The following TNRC6B variants were observed in gnomAD, a reference collection of about 807,000 sequenced individuals.
TNRC6B encodes trinucleotide repeat containing adaptor 6B.
TNRC6B carries 52 observed loss-of-function variants against 203.6 expected under a neutral mutation model. The ratio of observed to expected loss-of-function variants is 0.26; its 90% CI spans 0.20 to 0.32. The LOEUF (loss-of-function observed/expected upper bound fraction) is 0.32, where lower values mean the gene tolerates loss of function less well. Among genes scored for constraint, TNRC6B ranks in the 10% least tolerant of loss-of-function variants. TNRC6B has a pLI of 1.00. For missense variants in TNRC6B, 1,923 were observed against 2,286.2 expected, an observed-to-expected ratio of 0.84 and a Z score of 3.24; for synonymous variants, 838 against 845.7, an observed-to-expected ratio of 0.99 and a Z score of 0.16.
intron 3 of TNRC6B, among the ~76,000 whole-genome samples, chr22:40,141,002 A>C (rs1344549412): frequency 6.6e-6 from 1 of 152,146 alleles, no homozygotes; most frequent in Non-Finnish European, 1.5e-5. Flanking sequence ...AGATTTTGTC[A>C]TGAGGAAAAA....
chr22:40,306,331 A>G (rs1164195366), intron 15 of TNRC6B, among the ~76,000 whole-genome samples: 3 of 152,232 alleles, frequency 2.0e-5, no homozygotes, highest in Non-Finnish European at 2.9e-5. Flanking sequence ...TTAATTCACT[A>G]TGGGTTTTAT....
Position 40,262,067 on chromosome 22 carries a change from C to G in TNRC6B, c.351C>G (p.Leu117=), listed in dbSNP as rs761616443. Residue 117 remains leucine (L), a synonymous_variant, in exon 4 of 23, where the codon CTC becomes CTG. Transcript: ENST00000454349. The part of the protein sequence containing the change: ...RGQPPPPSCM[L]LGGGAGPPPC... ...AGCCCCCTCCACCGTCCTGCATGCT[C>G]CTTGGGGGTGGGGCAGGGCCTCCTC... The G allele has an allele frequency of 6.3e-7, 1 of 1,582,472 alleles. No homozygotes were observed. The highest frequency in any genetic ancestry group is 1.1e-5 in the South Asian group (1 of 88,378).
At chr22:40,318,784 T>C (rs1293189315) in intron 21 of TNRC6B, among the ~76,000 whole-genome samples, 2 of 152,058 alleles carry the variant, frequency 1.3e-5, no homozygotes, top group African/African-American at 4.8e-5. Flanking sequence ...TTATGAAAAA[T>C]GCTGGCCAGA....
At chr22:40,236,067 A>G (rs1410375793) in intron 1 of TNRC6B, among the ~76,000 whole-genome samples, 1 of 152,212 alleles carries the variant, frequency 6.6e-6, no homozygotes, top group Non-Finnish European at 1.5e-5. Context: ...TTGCAGAACT[A>G]TAGTACAATG....
At chr22:40,288,979 A>G (rs2070830735) in intron 12 of TNRC6B, among the ~76,000 whole-genome samples, 1 of 150,780 alleles carries the variant, frequency 6.6e-6, no homozygotes, top group Non-Finnish European at 1.5e-5. Context: ...ACGCCTGGCT[A>G]ATTTTTGTAT....
chr22:40,091,431 G>A (rs1294319566), intron 1 of TNRC6B, among the ~76,000 whole-genome samples: 5 of 151,664 alleles, frequency 3.3e-5, no homozygotes, highest in African/African-American at 1.2e-4. Flanking sequence ...TCCAGATTAT[G>A]TGAAGCTCTG....
chr22:40,296,150 CAG>C (rs1392390029), intron 12 of TNRC6B, among the ~76,000 whole-genome samples: 1 of 152,002 alleles, frequency 6.6e-6, no homozygotes, highest in Non-Finnish European at 1.5e-5. Context: ...AGCCTTAACC[CAG>C]AGTCACCGTA....
chr22:40,313,527 A>G (rs1220650407), intron 19 of TNRC6B, among the ~76,000 whole-genome samples: 1 of 152,196 alleles, frequency 6.6e-6, no homozygotes, highest in Non-Finnish European at 1.5e-5. Flanking sequence ...GTTGGTGGAT[A>G]TAATAAAGGC....
intron 1 of TNRC6B, among the ~76,000 whole-genome samples, chr22:40,242,398 G>C (rs1193724758): frequency 6.6e-6 from 1 of 151,862 alleles, no homozygotes; most frequent in Non-Finnish European, 1.5e-5. Flanking sequence ...TTTCTCAACA[G>C]TGAGAAACAT....
chr22:40,140,285 T>C (rs1371383267), intron 3 of TNRC6B, among the ~76,000 whole-genome samples: 1 of 152,210 alleles, frequency 6.6e-6, no homozygotes. Flanking sequence ...TGATAACATA[T>C]TTTAATATCC....
At chr22:40,089,810 G>A (rs1044886528) in intron 1 of TNRC6B, among the ~76,000 whole-genome samples, 1 of 152,102 alleles carries the variant, frequency 6.6e-6, no homozygotes. Flanking sequence ...ATGCAAAGTG[G>A]TTTCAGTGCT....
chr22:40,268,779 G>T (rs1601473195), intron 5 of TNRC6B, among the ~76,000 whole-genome samples: 2 of 152,120 alleles, frequency 1.3e-5, no homozygotes, highest in African/African-American at 4.8e-5. Flanking sequence ...AGGCGTGGTG[G>T]CGGGCACCTG....
chr22:40,065,617 G>C (rs911611182), intron 1 of TNRC6B, among the ~76,000 whole-genome samples: 1 of 152,052 alleles, frequency 6.6e-6, no homozygotes, highest in Non-Finnish European at 1.5e-5. Flanking sequence ...ATTTTTATTG[G>C]ATGCTAAACT....
At chr22:40,152,626 C>G (rs532837658) in intron 3 of TNRC6B, among the ~76,000 whole-genome samples, 1 of 152,206 alleles carries the variant, frequency 6.6e-6, no homozygotes, top group African/African-American at 2.4e-5. Flanking sequence ...TCGCACCCGG[C>G]CACACCCGGC....
At chr22:40,207,561 A>T (rs1372364926) in intron 1 of TNRC6B, among the ~76,000 whole-genome samples, 5 of 151,680 alleles carry the variant, frequency 3.3e-5, no homozygotes, top group Non-Finnish European at 5.9e-5. Flanking sequence ...AGCTAGGAGA[A>T]GATATTTTCA....
At chr22:40,282,812 G>A (rs557631804) in intron 11 of TNRC6B, among the ~76,000 whole-genome samples, 46 of 151,856 alleles carry the variant, frequency 3.0e-4, no homozygotes, top group African/African-American at 1.0e-3. Context: ...TTAAGATTTC[G>A]ATTTTCCAAA....
At chr22:40,263,475 G>T (rs1244369024) in intron 4 of TNRC6B, among the ~76,000 whole-genome samples, 1 of 152,210 alleles carries the variant, frequency 6.6e-6, no homozygotes, top group Admixed American at 6.5e-5. Flanking sequence ...CCAGGCCTAG[G>T]TGGAGACTGG....
intron 3 of TNRC6B, among the ~76,000 whole-genome samples, chr22:40,136,063 T>C (rs1259071197): frequency 1.2e-4 from 18 of 152,100 alleles, no homozygotes; most frequent in Non-Finnish European, 2.9e-5. Context: ...GTCAAATGAA[T>C]TGGGAGGCGA....
chr22:40,162,222 T>C (rs1284865171), intron 4 of TNRC6B, among the ~76,000 whole-genome samples: 3 of 152,104 alleles, frequency 2.0e-5, no homozygotes, highest in African/African-American at 7.2e-5. Flanking sequence ...GCCTCCCAAG[T>C]AGCTGGGATT....
Sources: gnomAD v4.1 joint callset for allele counts (sites outside exome capture counted in the v4.1 genomes callset) on GRCh38, gnomAD v4.1.1 for gene constraint, MANE v1.5 for transcripts, NCBI Gene and HGNC (gene_info 2026-07-23, HGNC 2026-07-21) for gene names.